The following CPA6 variants were observed in gnomAD, a reference collection of about 807,000 sequenced individuals.
The protein encoded by CPA6 is carboxypeptidase A6.
In CPA6, 58 loss-of-function variants were observed where a neutral mutation model predicts 63.3. That is an observed-to-expected ratio of 0.92 (90% confidence interval 0.74 to 1.14). The LOEUF (loss-of-function observed/expected upper bound fraction) is 1.14, where lower values mean the gene tolerates loss of function less well. CPA6 is among the 50% of genes most tolerant of loss of function. The probability of loss-of-function intolerance (pLI) is 0.00; values close to 1 mark genes in which losing one functional copy is unlikely to be tolerated. For synonymous variants in CPA6, 185 were observed against 179.0 expected (o/e 1.03, Z -0.27); for missense variants, 565 against 526.6 (o/e 1.07, Z -0.71).
At chr8:67,635,643 T>G (rs1815452065) in intron 1 of CPA6, among the ~76,000 whole-genome samples, 1 of 151,620 alleles carries the variant, frequency 6.6e-6, no homozygotes, top group South Asian at 2.1e-4. Flanking sequence ...GGTGCATGCC[T>G]GTAATCCCAG....
intron 2 of CPA6, among the ~76,000 whole-genome samples, chr8:67,556,432 T>C (rs1813062682): frequency 6.6e-6 from 1 of 152,074 alleles, no homozygotes; most frequent in African/African-American, 2.4e-5. Flanking sequence ...AACTTGAAGG[T>C]GAACGAGGGG....
intron 8 of CPA6, among the ~76,000 whole-genome samples, chr8:67,476,294 T>A (rs894754817): frequency 1.3e-5 from 2 of 151,976 alleles, no homozygotes; most frequent in Admixed American, 1.3e-4. Flanking sequence ...TGAGCCAACA[T>A]GCCCGCCCCA....
chr8:67,684,249 T>A (rs1816665125), intron 1 of CPA6, among the ~76,000 whole-genome samples: 1 of 152,040 alleles, frequency 6.6e-6, no homozygotes, highest in South Asian at 2.1e-4. Context: ...CCAGATGATA[T>A]TTCTCTTGAT....
At chr8:67,706,405 T>G (rs1378387901) in intron 1 of CPA6, among the ~76,000 whole-genome samples, 2 of 152,136 alleles carry the variant, frequency 1.3e-5, no homozygotes, top group African/African-American at 2.4e-5. Flanking sequence ...ACAGTGTAAT[T>G]TGTACATAAG....
chr8:67,746,280 C>G lies in CPA6; in HGVS notation c.-151G>C, dbSNP rs1818010522. On this transcript the variant is annotated 5_prime_UTR_variant, in exon 1 of 11. Transcript: ENST00000297770. ...AGCAAAATGTGACACTTCTCTCCAG[C>G]TACAAGGGAAAAAAAAAGTTCAGGC... 1.2e-5 allele frequency: 6 copies of G among 494,752 alleles called. No homozygotes were observed. In the Admixed American group the frequency reaches 1.7e-4, roughly 14 times the overall value. The allele number at this position is 494,752 out of a possible 1,614,324, so 30.6% of individuals were successfully genotyped here. A position where few individuals can be genotyped will look rare whatever the true frequency, so the allele number is the denominator to read the frequency against.
chr8:67,532,112 T>TA (rs534180804), intron 2 of CPA6, among the ~76,000 whole-genome samples: 14 of 150,598 alleles, frequency 9.3e-5, no homozygotes, highest in African/African-American at 2.9e-4. Context: ...TACAAAAAAG[T>TA]AAAAAAAATA....
chr8:67,715,355 G>A (rs1026006510), intron 1 of CPA6, among the ~76,000 whole-genome samples: 2 of 152,238 alleles, frequency 1.3e-5, no homozygotes, highest in African/African-American at 2.4e-5. Context: ...GATGGCTCAT[G>A]CCACTCACGA....
At chr8:67,497,655 A>G (rs2128963272) in intron 6 of CPA6, among the ~76,000 whole-genome samples, 1 of 151,760 alleles carries the variant, frequency 6.6e-6, no homozygotes, top group South Asian at 2.1e-4. Context: ...AAGAACTGCC[A>G]TACTGTTTTC....
chr8:67,621,936 A>G (rs1333582418), intron 2 of CPA6, among the ~76,000 whole-genome samples: 1 of 152,236 alleles, frequency 6.6e-6, no homozygotes, highest in Non-Finnish European at 1.5e-5. Context: ...ATGTGTGGTC[A>G]TCAGTGCCAG....
chr8:67,732,692 GGT>G (rs1817729387), intron 1 of CPA6: 1 of 152,408 alleles, frequency 6.6e-6, no homozygotes, highest in Admixed American at 6.5e-5. Context: ...GTTTGAGAAA[GGT>G]GGGCAGATGT....
At chr8:67,506,498 A>G (rs191169223) in intron 6 of CPA6, among the ~76,000 whole-genome samples, 2 of 152,324 alleles carry the variant, frequency 1.3e-5, no homozygotes, top group Admixed American at 1.3e-4. Context: ...CCATATATGC[A>G]TTGCTAGGTT....
At chr8:67,518,307 G>A (rs1272031971) in intron 2 of CPA6, among the ~76,000 whole-genome samples, 1 of 152,066 alleles carries the variant, frequency 6.6e-6, no homozygotes, top group Non-Finnish European at 1.5e-5. Context: ...AGGTAAAAAT[G>A]AGATAAAATA....
At chr8:67,599,524 C>T (rs2128982938) in intron 2 of CPA6, among the ~76,000 whole-genome samples, 1 of 152,286 alleles carries the variant, frequency 6.6e-6, no homozygotes, top group South Asian at 2.1e-4. Flanking sequence ...TACTCCCTCT[C>T]TTGAGGTCTG....
intron 8 of CPA6, among the ~76,000 whole-genome samples, chr8:67,439,311 G>A (rs904870384): frequency 4.0e-5 from 6 of 151,842 alleles, no homozygotes; most frequent in Non-Finnish European, 7.4e-5. Flanking sequence ...AAAGAGGCTG[G>A]GCATGGTGGC....
At chr8:67,670,787 G>A (rs1816326899) in intron 1 of CPA6, among the ~76,000 whole-genome samples, 2 of 152,306 alleles carry the variant, frequency 1.3e-5, no homozygotes, top group African/African-American at 4.8e-5. Flanking sequence ...TTCCAGTTAT[G>A]TGAAATGCTT....
chr8:67,423,402 T>G (rs1347231644), intron 10 of CPA6, among the ~76,000 whole-genome samples: 3 of 152,192 alleles, frequency 2.0e-5, no homozygotes, highest in Non-Finnish European at 2.9e-5. Context: ...ACCTCCTTAT[T>G]TCTTCCACCT....
intron 2 of CPA6, among the ~76,000 whole-genome samples, chr8:67,577,216 C>G (rs1181460846): frequency 6.6e-6 from 1 of 152,174 alleles, no homozygotes; most frequent in Non-Finnish European, 1.5e-5. Flanking sequence ...TCCACTTTAG[C>G]TGAATCCCCT....
chr8:67,422,639 A>G lies in CPA6; in HGVS notation c.1179T>C (p.Tyr393=), dbSNP rs776271182. The G allele has an allele frequency of 4.3e-6, 7 of 1,614,042 alleles. No individual in the cohort carries two copies. The East Asian group carries it at 1.1e-4, about 26-fold the overall frequency. The change falls in exon 11 of 11, where the codon TAT becomes TAC. Residue 393 remains tyrosine, a synonymous_variant. Transcript: ENST00000297770. Reference sequence around the variant, plus strand: ...TGTCACGTAGTTCGAAAGCAAATGCATAAGGTATTCCATTTTTGTAGGCCC... The same window carrying G: ...TGTCACGTAGTTCGAAAGCAAATGCGTAAGGTATTCCATTTTTGTAGGCCC... The part of the protein sequence containing the change: ...MDWAYKNGIP[Y]AFAFELRDTG...
intron 2 of CPA6, among the ~76,000 whole-genome samples, chr8:67,613,245 T>C (rs934255834): frequency 6.6e-6 from 1 of 152,234 alleles, no homozygotes; most frequent in African/African-American, 2.4e-5. Context: ...TTTATCATGA[T>C]TGAAAATAAA....
Sources: gnomAD v4.1 joint callset for allele counts (sites outside exome capture counted in the v4.1 genomes callset) on GRCh38, gnomAD v4.1.1 for gene constraint, MANE v1.5 for transcripts, NCBI Gene and HGNC (gene_info 2026-07-23, HGNC 2026-07-21) for gene names.